Variants in IKZF1 observed in about 807,000 individuals in gnomAD.
IKZF1 encodes the protein IKAROS family zinc finger 1, also known as DNA-binding protein Ikaros.
IKZF1 carries 10 observed loss-of-function variants against 51.7 expected under a neutral mutation model. The observed-to-expected ratio is 0.19, with a 90% CI of 0.12 to 0.33. The LOEUF (loss-of-function observed/expected upper bound fraction) is 0.33, where lower values mean the gene tolerates loss of function less well. IKZF1 is among the 10% of genes least tolerant of loss of function. The probability of loss-of-function intolerance (pLI) is 1.00; values close to 1 mark genes in which losing one functional copy is unlikely to be tolerated. For missense variants in IKZF1, 484 were observed against 707.5 expected, an observed-to-expected ratio of 0.68 and a Z score of 3.58; for synonymous variants, 280 against 282.3, an observed-to-expected ratio of 0.99 and a Z score of 0.08.
intron 3 of IKZF1, among the ~76,000 whole-genome samples, chr7:50,347,965 T>C (rs371974634): frequency 1.8e-4 from 27 of 152,222 alleles, no homozygotes; most frequent in Non-Finnish European, 3.5e-4. Flanking sequence ...CCCCGACTCA[T>C]ACCAGGGAGG....
chr7:50,387,094 G>A (rs1813600397), intron 5 of IKZF1, among the ~76,000 whole-genome samples: 1 of 152,188 alleles, frequency 6.6e-6, no homozygotes, highest in African/African-American at 2.4e-5. Context: ...AAGCAGGAGA[G>A]AATTTGGTAG....
Position 50,350,113 on chromosome 7 carries a change from G to A in IKZF1, c.160+22356G>A, listed in dbSNP as rs557291072. 9.2e-5 allele frequency among the ~76,000 whole-genome samples: 14 copies of A among 152,344 alleles called. No individual in the cohort carries two copies. In the East Asian group the frequency reaches 2.5e-3, roughly 27 times the overall value. Reference sequence around the variant, plus strand: ...AGCCCCGGGGTGGGCCTTGCAGGCTGGGCTTGAATCCCATGGCCACCACCG... The same window carrying A: ...AGCCCCGGGGTGGGCCTTGCAGGCTAGGCTTGAATCCCATGGCCACCACCG... On this transcript the variant is annotated intron_variant, in intron 3 of 7. Coordinates refer to ENST00000331340, the MANE Select transcript of IKZF1 (RefSeq NM_006060.6).
At chr7:50,331,774 A>C (rs1013414632) in intron 3 of IKZF1, among the ~76,000 whole-genome samples, 3 of 152,234 alleles carry the variant, frequency 2.0e-5, no homozygotes. Flanking sequence ...GGAGAAGGAG[A>C]CAGAGCCAGA....
At chr7:50,344,051 C>T in intron 3 of IKZF1, among the ~76,000 whole-genome samples, 1 of 152,132 alleles carries the variant, frequency 6.6e-6, no homozygotes, top group Non-Finnish European at 1.5e-5. Context: ...CCAAAAAATC[C>T]TCCAGAAGGT....
chr7:50,327,774 C>A lies in IKZF1; in HGVS notation c.160+17C>A, dbSNP rs373192449. On this transcript the variant is annotated intron_variant, in intron 3 of 7. Coordinates refer to ENST00000331340, the MANE Select transcript of IKZF1 (RefSeq NM_006060.6). ...GAGTCGTGGGTAAGTGGGTCACCAG[C>A]GGCCTCTGTGCCTGTGAAACCTTTA... 1.9e-6 allele frequency: 3 copies of A among 1,599,132 alleles called. No individual in the cohort carries two copies. The highest frequency in any genetic ancestry group is 2.6e-6 in the Non-Finnish European group (3 of 1,172,972).
At chr7:50,373,362 A>G (rs535362489) in intron 3 of IKZF1, among the ~76,000 whole-genome samples, 16 of 152,350 alleles carry the variant, frequency 1.1e-4, no homozygotes, top group Admixed American at 7.2e-4. Flanking sequence ...CCAGAAGAAC[A>G]AGTGATAGCT....
At chr7:50,306,672 G>A (rs1788883955) in intron 1 of IKZF1, among the ~76,000 whole-genome samples, 1 of 152,162 alleles carries the variant, frequency 6.6e-6, no homozygotes, top group Non-Finnish European at 1.5e-5. Flanking sequence ...TTCCTTTGTC[G>A]AAAAACTAAG....
intron 3 of IKZF1, chr7:50,368,204 T>G: frequency 1.4e-6 from 1 of 703,248 alleles, no homozygotes; most frequent in Non-Finnish European, 2.6e-6. Context: ...ACCTACCATA[T>G]CATTTTTGGG....
intron 5 of IKZF1, among the ~76,000 whole-genome samples, chr7:50,384,583 G>A (rs1812832431): frequency 6.6e-6 from 1 of 152,230 alleles, no homozygotes; most frequent in Non-Finnish European, 1.5e-5. Flanking sequence ...GCATGACGGT[G>A]AGCATCTTTA....
chr7:50,369,288 A>G (rs1284352509), intron 3 of IKZF1: 1 of 380,174 alleles, frequency 2.6e-6, no homozygotes, highest in Non-Finnish European at 4.6e-6. Context: ...AATGCATCCT[A>G]AAACATGTTT....
In IKZF1 at chr7:50,403,261, A is replaced by G. The variant is rs1295751407; in HGVS notation, c.*2634A>G. The G allele has an allele frequency of 4.5e-6, 1 of 221,968 alleles. No individual in the cohort carries two copies. Among genetic ancestry groups the G allele is most frequent in the Non-Finnish European group, 9.0e-6 (1 of 111,004 alleles). 13.7% of individuals were successfully genotyped at this position (221,968 alleles called of 1,614,324 possible). ...ATTAACTTATGTTTAAAAGGTGGCC[A>G]TATCATGTACCAAAAGTTGCTGAAG... On this transcript the variant is annotated 3_prime_UTR_variant, in exon 8 of 8. Coordinates refer to ENST00000331340, the MANE Select transcript of IKZF1 (RefSeq NM_006060.6).
chr7:50,320,695 T>A (rs1792984197), intron 2 of IKZF1, among the ~76,000 whole-genome samples: 1 of 152,238 alleles, frequency 6.6e-6, no homozygotes, highest in Non-Finnish European at 1.5e-5. Context: ...CTTTTTAACT[T>A]TTAGAATGTG....
chr7:50,395,644 T>A (rs1394106523), intron 7 of IKZF1, among the ~76,000 whole-genome samples: 2 of 152,240 alleles, frequency 1.3e-5, no homozygotes, highest in Non-Finnish European at 2.9e-5. Context: ...TATTACTAAC[T>A]CTATTTAAAT....
Position 50,339,215 on chromosome 7 carries a change from T to TGTG in IKZF1, c.160+11458_160+11459insGTG, listed in dbSNP as rs1554339869. On this transcript the variant is annotated intron_variant, in intron 3 of 7. Transcript: ENST00000331340. ...AAAGGAGGAATTCTTTTGGGTAGGG[T>TGTG]TGTGTGTGTGTGTGTGTGTGTGTGT... 4.1e-3 allele frequency among the ~76,000 whole-genome samples: 521 copies of TGTG among 126,486 alleles called. 3 individuals carry two copies. Among genetic ancestry groups the TGTG allele is most frequent in the African/African-American group, 0.015 (488 of 32,920 alleles). The allele number at this position is 126,486 out of a possible 152,430, so 83.0% of individuals were successfully genotyped here. A position where few individuals can be genotyped will look rare whatever the true frequency, so the allele number is the denominator to read the frequency against.
intron 3 of IKZF1, among the ~76,000 whole-genome samples, chr7:50,363,333 C>T (rs770024396): frequency 9.2e-5 from 14 of 152,068 alleles, no homozygotes; most frequent in Non-Finnish European, 1.6e-4. Flanking sequence ...ATCCAGGATC[C>T]GGAGCAGTGT....
chr7:50,391,129 C>T (rs1192095169), intron 6 of IKZF1, among the ~76,000 whole-genome samples: 2 of 152,144 alleles, frequency 1.3e-5, no homozygotes, highest in Non-Finnish European at 2.9e-5. Context: ...AGAAATGGCC[C>T]ACACATCAGC....
upstream of IKZF1, chr7:50,304,217 C>G (rs1209739269): frequency 6.7e-6 from 1 of 150,266 alleles, no homozygotes; most frequent in Non-Finnish European, 1.5e-5. Flanking sequence ...CCCGGAGTTG[C>G]GGCTGAGACG....
intron 1 of IKZF1, among the ~76,000 whole-genome samples, chr7:50,310,364 T>C (rs1256596350): frequency 6.6e-6 from 1 of 152,240 alleles, no homozygotes; most frequent in African/African-American, 2.4e-5. Context: ...AAAAATCTGA[T>C]TGCTGTGTTT....
chr7:50,335,479 AGTGTGTATGTGTG>A (rs1321289100), intron 3 of IKZF1, among the ~76,000 whole-genome samples: 3 of 77,732 alleles, frequency 3.9e-5, no homozygotes, highest in African/African-American at 5.3e-5. Context: ...TGGGATGTGT[AGTGTGTATGTGTG>A]GTGTGTATGT....
Sources: gnomAD v4.1 joint callset for allele counts (sites outside exome capture counted in the v4.1 genomes callset) on GRCh38, gnomAD v4.1.1 for gene constraint, MANE v1.5 for transcripts, NCBI Gene and HGNC (gene_info 2026-07-23, HGNC 2026-07-21) for gene names.